The following ZNF793 variants were observed in gnomAD, a reference collection of about 807,000 sequenced individuals.
ZNF793 encodes zinc finger protein 793.
A neutral mutation model predicts 12.4 loss-of-function variants in ZNF793; 5 were observed. That is an observed-to-expected ratio of 0.40 (90% CI 0.21 to 0.84). The LOEUF (loss-of-function observed/expected upper bound fraction) is 0.84, where lower values mean the gene tolerates loss of function less well. ZNF793 is among the 40% of genes least tolerant of loss of function. ZNF793 has a pLI of 0.35. For missense variants in ZNF793, 456 were observed against 495.0 expected (o/e 0.92, Z 0.75); for synonymous variants, 162 against 172.4 (o/e 0.94, Z 0.47).
Position 37,538,121 on chromosome 19 carries a change from T to C in ZNF793, c.*242T>C, listed in dbSNP as rs555640532. On this transcript the variant is annotated 3_prime_UTR_variant, in exon 8 of 8. Coordinates refer to ENST00000627814, the MANE Select transcript of ZNF793 (RefSeq NM_001013659.3). The stretch of plus-strand genomic sequence containing the variant: ...TAGTAGAGACGGGGTTTCACCGTGT[T>C]AGCCAGGATGGTCTCGATCTCCTGA... The C allele has an allele frequency of 1.0e-5, 4 of 385,728 alleles. No individual in the cohort carries two copies. The highest frequency in any genetic ancestry group is 3.1e-5 in the South Asian group (1 of 32,012). 23.9% of individuals were successfully genotyped at this position (385,728 alleles called of 1,614,324 possible). A position where few individuals can be genotyped will look rare whatever the true frequency, so the allele number is the denominator to read the frequency against.
rs1304999579 is a variant in ZNF793, at chr19:37,542,329, G to A, written c.*4450G>A. On this transcript the variant is annotated 3_prime_UTR_variant, in exon 8 of 8. Coordinates refer to ENST00000627814, the MANE Select transcript of ZNF793 (RefSeq NM_001013659.3). ...AATCACTTGAACCCAGGAGGCAGAG[G>A]TTGCAGTGAGCCAAGATCGCGCCAT... 4.0e-6 allele frequency: 1 copy of A among 249,264 alleles called. No homozygotes were observed. Among genetic ancestry groups the A allele is most frequent in the East Asian group, 1.0e-4 (1 of 9,928 alleles). The allele number at this position is 249,264 out of a possible 1,614,324, so 15.4% of individuals were successfully genotyped here.
At chr19:37,507,151 T>A (rs2042255911) in intron 1 of ZNF793, 185 bp downstream of exon 1, 1 of 152,640 alleles carries the variant, frequency 6.6e-6, no homozygotes, top group Non-Finnish European at 1.5e-5. Context: ...ACTGAAGGGT[T>A]AAGAGATTCG....
At chr19:37,529,134 TTTTTG>T (rs2042437981) in intron 5 of ZNF793, among the ~76,000 whole-genome samples, 1 of 152,164 alleles carries the variant, frequency 6.6e-6, no homozygotes, top group Non-Finnish European at 1.5e-5. Context: ...TCTGCTCTTC[TTTTTG>T]TTTTGTTTTG....
intron 2 of ZNF793, among the ~76,000 whole-genome samples, chr19:37,511,918 TAC>T (rs2042297268): frequency 6.6e-6 from 1 of 152,036 alleles, no homozygotes; most frequent in Non-Finnish European, 1.5e-5. Context: ...GACCATTGAC[TAC>T]AGAGACCTGA....
In ZNF793 at chr19:37,532,474, T is replaced by C. The variant is rs1186465358; in HGVS notation, c.134T>C (p.Val45Ala). Reference sequence around the variant, plus strand: ...ATGCTGGAAACCTATAGCAACCTCGTCTCAGTGGGTAAGAACATCCTCACC... The same window carrying C: ...ATGCTGGAAACCTATAGCAACCTCGCCTCAGTGGGTAAGAACATCCTCACC... Reference protein sequence around the residue: ...DVMLETYSNLVSVGYEGTKPD... With the variant: ...DVMLETYSNLASVGYEGTKPD... The change falls in exon 6 of 8, where the codon GTC becomes GCC. Residue 45 changes from valine (V) to alanine (A), a missense_variant. By Grantham distance (64) the Val-to-Ala change is moderately conservative (BLOSUM62 0). Transcript: ENST00000627814. 2 of 1,605,334 alleles carry C rather than the reference T, an allele frequency of 1.2e-6. No homozygotes were observed. Among genetic ancestry groups the C allele is most frequent in the East Asian group, 2.2e-5 (1 of 44,712 alleles).
chr19:37,539,645 AT>A lies in ZNF793; in HGVS notation c.*1772del, dbSNP rs576229380. On this transcript the variant is annotated 3_prime_UTR_variant, in exon 8 of 8. Coordinates refer to ENST00000627814, the MANE Select transcript of ZNF793 (RefSeq NM_001013659.3). ...AGACATAACCACAGATATCAATATG[AT>A]TTTTTAAGTGATAAAAAGATACCTC... The A allele has an allele frequency of 9.2e-5, 14 of 152,322 alleles. No homozygotes were observed. In the South Asian group the frequency reaches 2.7e-3, roughly 29 times the overall value. The allele number at this position is 152,322 out of a possible 1,614,324, so 9.4% of individuals were successfully genotyped here.
intron 2 of ZNF793, among the ~76,000 whole-genome samples, chr19:37,512,412 G>A (rs2042301118): frequency 6.6e-6 from 1 of 152,084 alleles, no homozygotes; most frequent in Non-Finnish European, 1.5e-5. Context: ...CTACTCAGGA[G>A]GCTGAGGCAG....
At chr19:37,511,120 C>G (rs2042291798) in intron 2 of ZNF793, among the ~76,000 whole-genome samples, 1 of 152,180 alleles carries the variant, frequency 6.6e-6, no homozygotes, top group Admixed American at 6.5e-5. Flanking sequence ...TCAAGATATT[C>G]ATCACTTCTA....
chr19:37,526,320 C>T (rs905450743), intron 5 of ZNF793, among the ~76,000 whole-genome samples: 11 of 151,896 alleles, frequency 7.2e-5, no homozygotes, highest in Non-Finnish European at 1.5e-5. Flanking sequence ...ACTATATTAC[C>T]CAGGCTGGTC....
chr19:37,520,882 A>G (rs1484326338), intron 3 of ZNF793, among the ~76,000 whole-genome samples: 1 of 151,914 alleles, frequency 6.6e-6, no homozygotes, highest in African/African-American at 2.4e-5. Context: ...TACTGTATAT[A>G]ATTTTGTTTT....
chr19:37,530,888 A>G (rs889266725), intron 5 of ZNF793, among the ~76,000 whole-genome samples: 6 of 151,670 alleles, frequency 4.0e-5, no homozygotes, highest in Non-Finnish European at 8.8e-5. Flanking sequence ...TTGTTCCTCT[A>G]TTTCTTCTTT....
chr19:37,512,322 C>T (rs2042300212), intron 2 of ZNF793, among the ~76,000 whole-genome samples: 1 of 152,004 alleles, frequency 6.6e-6, no homozygotes, highest in Admixed American at 6.6e-5. Context: ...TGAGACCATC[C>T]TGGCCAACAT....
intron 1 of ZNF793, 103 bp downstream of exon 1, chr19:37,507,069 G>A (rs2042254868): frequency 6.6e-6 from 1 of 152,378 alleles, no homozygotes; most frequent in African/African-American, 2.4e-5. Flanking sequence ...GACTAGTGGA[G>A]GATAGTGAGC....
At chr19:37,527,044 T>C (rs975396247) in intron 5 of ZNF793, among the ~76,000 whole-genome samples, 1 of 151,956 alleles carries the variant, frequency 6.6e-6, no homozygotes, top group Non-Finnish European at 1.5e-5. Flanking sequence ...GCCTCCCAGG[T>C]TCAAGCAATT....
At chr19:37,535,321 A>G (rs2042496536) in intron 7 of ZNF793, 1 of 152,120 alleles carries the variant, frequency 6.6e-6, no homozygotes, top group African/African-American at 2.4e-5. Flanking sequence ...GATATCTCCT[A>G]AAATGAGACC....
chr19:37,523,500 G>A, intron 5 of ZNF793, 46 bp downstream of exon 5: 2 of 1,590,674 alleles, frequency 1.3e-6, no homozygotes, highest in Non-Finnish European at 1.7e-6. Flanking sequence ...TGGGGAAACT[G>A]TCCTAGAGGA....
At chr19:37,514,257 C>G (rs1428594390) in intron 2 of ZNF793, among the ~76,000 whole-genome samples, 1 of 152,042 alleles carries the variant, frequency 6.6e-6, no homozygotes, top group Non-Finnish European at 1.5e-5. Flanking sequence ...TGAAAAAGTT[C>G]CTGTCCACCA....
In ZNF793 at chr19:37,540,554, TC is replaced by T. The variant is rs2042545414; in HGVS notation, c.*2676del. On this transcript the variant is annotated 3_prime_UTR_variant, in exon 8 of 8. Transcript: ENST00000627814. The stretch of plus-strand genomic sequence containing the variant: ...GATGGGAACCACTTAAAGCGGTTTT[TC>T]TTAAAAAAAATTTTTTTTAACCCAA... 6.6e-6 allele frequency: 1 copy of T among 151,228 alleles called. No homozygotes were observed. Among genetic ancestry groups the T allele is most frequent in the Non-Finnish European group, 1.5e-5 (1 of 67,688 alleles). The allele number at this position is 151,228 out of a possible 1,614,324, so 9.4% of individuals were successfully genotyped here. A position where few individuals can be genotyped will look rare whatever the true frequency, so the allele number is the denominator to read the frequency against.
At chr19:37,507,725 A>C (rs1358711980) in intron 1 of ZNF793, among the ~76,000 whole-genome samples, 3 of 152,144 alleles carry the variant, frequency 2.0e-5, no homozygotes, top group Non-Finnish European at 4.4e-5. Context: ...ATTGATCCTC[A>C]GTCGTTGGGA....
Sources: gnomAD v4.1 joint callset for allele counts (sites outside exome capture counted in the v4.1 genomes callset) on GRCh38, gnomAD v4.1.1 for gene constraint, MANE v1.5 for transcripts, NCBI Gene and HGNC (gene_info 2026-07-23, HGNC 2026-07-21) for gene names.